The following SRPK2 variants were observed in gnomAD, a reference collection of about 807,000 sequenced individuals.
SRPK2 encodes SRSF protein kinase 2, also known as SFRS protein kinase 2.
A neutral mutation model predicts 90.8 loss-of-function variants in SRPK2; 21 were observed. That is an observed-to-expected ratio of 0.23 (90% CI 0.16 to 0.33). The LOEUF (loss-of-function observed/expected upper bound fraction) is 0.33, where lower values mean the gene tolerates loss of function less well. SRPK2 is among the 10% of genes least tolerant of loss of function. The pLI, the probability that SRPK2 is intolerant of heterozygous loss-of-function variation, is 1.00. For synonymous variants in SRPK2, 288 were observed against 311.1 expected (o/e 0.93, Z 0.78); for missense variants, 620 against 869.0 (o/e 0.71, Z 3.60).
chr7:105,369,509 T>C (rs1303639826), intron 2 of SRPK2, among the ~76,000 whole-genome samples: 1 of 152,076 alleles, frequency 6.6e-6, no homozygotes, highest in Non-Finnish European at 1.5e-5. Context: ...AAAACATTGA[T>C]CCAGGTGCTC....
chr7:105,354,204 C>T (rs573928169), intron 2 of SRPK2, among the ~76,000 whole-genome samples: 1 of 152,302 alleles, frequency 6.6e-6, no homozygotes, highest in East Asian at 1.9e-4. Flanking sequence ...CAGGTCTCCC[C>T]ATGTATGGTG....
intron 2 of SRPK2, among the ~76,000 whole-genome samples, chr7:105,292,404 A>G (rs1373062574): frequency 7.0e-6 from 1 of 143,342 alleles, no homozygotes; most frequent in African/African-American, 2.6e-5. Context: ...GCTACTCAGG[A>G]GGCTGAGGCA....
intron 7 of SRPK2, among the ~76,000 whole-genome samples, chr7:105,158,812 G>GT (rs376577359): frequency 0.055 from 7,351 of 132,484 alleles, 227 homozygotes; most frequent in African/African-American, 0.096. Context: ...GTTTTTTTGT[G>GT]TTTTTTTTTT....
chr7:105,234,442 C>T (rs965427925), intron 2 of SRPK2, among the ~76,000 whole-genome samples: 3 of 152,070 alleles, frequency 2.0e-5, no homozygotes, highest in African/African-American at 7.2e-5. Flanking sequence ...TGGATCTCTA[C>T]GATGTGCTAA....
At chr7:105,152,515 G>C (rs1805847715) in intron 7 of SRPK2, among the ~76,000 whole-genome samples, 2 of 152,024 alleles carry the variant, frequency 1.3e-5, no homozygotes, top group Admixed American at 1.3e-4. Context: ...GAAGTTTTAA[G>C]TAATAATGCA....
intron 2 of SRPK2, among the ~76,000 whole-genome samples, chr7:105,260,758 T>C (rs1342775421): frequency 6.6e-6 from 1 of 151,868 alleles, no homozygotes; most frequent in Non-Finnish European, 1.5e-5. Context: ...CTGGAAACCA[T>C]CATTCTAAGC....
At chr7:105,278,518 CAAAAAAAAA>C (rs745938997) in intron 2 of SRPK2, among the ~76,000 whole-genome samples, 2 of 95,266 alleles carry the variant, frequency 2.1e-5, no homozygotes, top group Admixed American at 1.1e-4. Context: ...AATAAAAATA[CAAAAAAAAA>C]AAAAAAAAAA....
At chr7:105,134,198 T>C (rs1441859525) in intron 11 of SRPK2, among the ~76,000 whole-genome samples, 1 of 152,198 alleles carries the variant, frequency 6.6e-6, no homozygotes, top group Non-Finnish European at 1.5e-5. Context: ...CCATAACTCA[T>C]GTCGAATTGT....
At chr7:105,142,985 TGCA>T in intron 10 of SRPK2, 96 bp downstream of exon 10, 1 of 1,464,458 alleles carries the variant, frequency 6.8e-7, no homozygotes, top group Non-Finnish European at 9.2e-7. Flanking sequence ...CCTTGTCATC[TGCA>T]GCAGCAGCAC....
intron 1 of SRPK2, among the ~76,000 whole-genome samples, chr7:105,395,603 C>A (rs954729027): frequency 1.3e-5 from 2 of 151,320 alleles, no homozygotes; most frequent in African/African-American, 4.9e-5. Flanking sequence ...GGTTGTGCAC[C>A]CCTGTAATCC....
chr7:105,377,705 AAAG>A (rs1217089458), intron 2 of SRPK2, among the ~76,000 whole-genome samples: 1 of 152,168 alleles, frequency 6.6e-6, no homozygotes, highest in Non-Finnish European at 1.5e-5. Context: ...GTATCAAAAA[AAAG>A]AAGAAAAAAA....
chr7:105,344,867 TCACTAA>T (rs895695579), intron 2 of SRPK2, among the ~76,000 whole-genome samples: 2 of 147,376 alleles, frequency 1.4e-5, no homozygotes, highest in Non-Finnish European at 3.0e-5. Flanking sequence ...CCAGGAGTAG[TCACTAA>T]CACCTGTAAT....
At chr7:105,274,904 T>C (rs1205293899) in intron 2 of SRPK2, among the ~76,000 whole-genome samples, 2 of 152,012 alleles carry the variant, frequency 1.3e-5, no homozygotes, top group African/African-American at 4.8e-5. Flanking sequence ...CTTTTTTTTT[T>C]TTCCTTGAAG....
At chr7:105,182,453 CTT>C (rs71152944) in intron 3 of SRPK2, among the ~76,000 whole-genome samples, 72 of 116,484 alleles carry the variant, frequency 6.2e-4, no homozygotes, top group Admixed American at 2.5e-3. Flanking sequence ...CCCCCCCCGC[CTT>C]TTTTTTTTTT....
chr7:105,137,127 G>T (rs1308147105), intron 11 of SRPK2, among the ~76,000 whole-genome samples: 1 of 152,206 alleles, frequency 6.6e-6, no homozygotes, highest in Non-Finnish European at 1.5e-5. Context: ...AGTAAGAGAA[G>T]TTTGAGGCAA....
chr7:105,252,454 T>C (rs557717659), intron 2 of SRPK2, among the ~76,000 whole-genome samples: 1 of 152,330 alleles, frequency 6.6e-6, no homozygotes, highest in Non-Finnish European at 1.5e-5. Flanking sequence ...ACTGGCGTTC[T>C]CATCTGAAAA....
At chr7:105,340,171 A>G (rs186266332) in intron 2 of SRPK2, among the ~76,000 whole-genome samples, 12 of 152,000 alleles carry the variant, frequency 7.9e-5, no homozygotes, top group African/African-American at 2.7e-4. Flanking sequence ...AATTATTTTT[A>G]TTAATCTCTA....
chr7:105,161,796 T>C (rs2031486539), intron 6 of SRPK2, among the ~76,000 whole-genome samples: 1 of 152,226 alleles, frequency 6.6e-6, no homozygotes, highest in African/African-American at 2.4e-5. Flanking sequence ...TTGAATAATA[T>C]CTTACATTAT....
At chr7:105,134,288 TACTG>T (rs1228475638) in intron 11 of SRPK2, among the ~76,000 whole-genome samples, 3 of 152,194 alleles carry the variant, frequency 2.0e-5, no homozygotes, top group Non-Finnish European at 4.4e-5. Flanking sequence ...GTTCTCGTGA[TACTG>T]AGTGAGTTCT....
Sources: allele counts gnomAD v4.1 joint callset (sites outside exome capture counted in the v4.1 genomes callset), GRCh38; gene constraint gnomAD v4.1.1; transcripts MANE v1.5; gene names NCBI Gene and HGNC (gene_info 2026-07-23, HGNC 2026-07-21).